PTPN13: variants seen among roughly 807,000 people sequenced by gnomAD.
PTPN13 encodes tyrosine-protein phosphatase non-receptor type 13.
PTPN13 carries 191 observed loss-of-function variants against 284.0 expected under a neutral mutation model. The ratio of observed to expected loss-of-function variants is 0.67; its 90% confidence interval spans 0.60 to 0.76. The LOEUF (loss-of-function observed/expected upper bound fraction) is 0.76. Among genes scored for constraint, PTPN13 ranks in the 30% least tolerant of loss-of-function variants. The probability of loss-of-function intolerance (pLI) is 0.00; values close to 1 mark genes in which losing one functional copy is unlikely to be tolerated. For missense variants in PTPN13, 2,797 were observed against 2,939.9 expected (o/e 0.95, Z 1.12); for synonymous variants, 986 against 1,022.3 (o/e 0.96, Z 0.68).
intron 2 of PTPN13, among the ~76,000 whole-genome samples, chr4:86,660,856 G>A (rs1392023536): frequency 6.6e-6 from 1 of 151,976 alleles, no homozygotes; most frequent in Non-Finnish European, 1.5e-5. Flanking sequence ...GTTCTAAACA[G>A]CCAGTTTTAT....
chr4:86,650,790 ATTTG>A (rs1267800033), intron 2 of PTPN13, among the ~76,000 whole-genome samples: 1 of 152,106 alleles, frequency 6.6e-6, no homozygotes, highest in Admixed American at 6.5e-5. Context: ...ACTTTACTGA[ATTTG>A]TTTATCGGTT....
chr4:86,757,869 T>G (rs1485738105), intron 20 of PTPN13, among the ~76,000 whole-genome samples: 1 of 152,140 alleles, frequency 6.6e-6, no homozygotes, highest in Non-Finnish European at 1.5e-5. Context: ...TAGAAGGAAT[T>G]TTTTAATATA....
intron 2 of PTPN13, among the ~76,000 whole-genome samples, chr4:86,653,653 C>G (rs1291177499): frequency 2.0e-5 from 3 of 152,056 alleles, no homozygotes; most frequent in African/African-American, 7.2e-5. Flanking sequence ...ATAAAATACT[C>G]CAAACATAAA....
At chr4:86,813,919 C>G (rs532405121) in intron 47 of PTPN13, among the ~76,000 whole-genome samples, 15 of 151,902 alleles carry the variant, frequency 9.9e-5, no homozygotes, top group African/African-American at 3.6e-4. Context: ...TCCCGCATCC[C>G]TCAGGCTTTT....
chr4:86,747,382 T>C (rs918753273), intron 17 of PTPN13, among the ~76,000 whole-genome samples: 2 of 152,204 alleles, frequency 1.3e-5, no homozygotes, highest in African/African-American at 4.8e-5. Flanking sequence ...ACGTGTAGAA[T>C]CCTTTAAAAC....
intron 35 of PTPN13, 138 bp downstream of exon 35, chr4:86,775,790 CAG>C: frequency 1.4e-6 from 1 of 720,102 alleles, no homozygotes; most frequent in Non-Finnish European, 2.2e-6. Flanking sequence ...AAATTTAAAA[CAG>C]ACTTCTTGAT....
intron 7 of PTPN13, among the ~76,000 whole-genome samples, chr4:86,713,488 T>A (rs1450947358): frequency 6.6e-6 from 1 of 152,106 alleles, no homozygotes; most frequent in African/African-American, 2.4e-5. Flanking sequence ...TATTTTAAAT[T>A]GTTTATTTTA....
At chr4:86,791,191 G>A (rs570879823) in intron 40 of PTPN13, among the ~76,000 whole-genome samples, 84 of 152,194 alleles carry the variant, frequency 5.5e-4, no homozygotes, top group Non-Finnish European at 9.6e-4. Flanking sequence ...AGGAGATACT[G>A]TCCCATGTCT....
At chr4:86,758,609 C>A in intron 21 of PTPN13, 69 bp from the exon 22 acceptor site, 2 of 1,314,044 alleles carry the variant, frequency 1.5e-6, no homozygotes, top group Non-Finnish European at 2.2e-6. Context: ...TTCTGTGTTT[C>A]AGGCAGGCTA....
intron 1 of PTPN13, among the ~76,000 whole-genome samples, chr4:86,622,262 C>A (rs553434469): frequency 6.6e-6 from 1 of 152,166 alleles, no homozygotes; most frequent in Non-Finnish European, 1.5e-5. Flanking sequence ...ATCAATTTTA[C>A]TTTTTATCAT....
rs557779218 is a variant in PTPN13 at position 86,768,576 on chromosome 4, C to A, written c.4489+600C>A. Among the ~76,000 whole-genome samples, 212 of 152,042 alleles carry A rather than the reference C, an allele frequency of 1.4e-3. 2 individuals carry two copies. Among genetic ancestry groups the A allele is most frequent in the African/African-American group, 4.9e-3 (203 of 41,482 alleles). On this transcript the variant is annotated intron_variant, in intron 28 of 47. Coordinates refer to ENST00000411767, the MANE Select transcript of PTPN13 (RefSeq NM_080683.3). ...CAGTCATTGTTTTATTTTACACAAA[C>A]GTTAGCAACTCTGAATCAGTCCCCA...
At chr4:86,811,577 T>C (rs541275990) in intron 47 of PTPN13, among the ~76,000 whole-genome samples, 3 of 152,298 alleles carry the variant, frequency 2.0e-5, no homozygotes, top group Middle Eastern at 3.4e-3. Flanking sequence ...GGAGTGTGAA[T>C]ACATGGGTCC....
intron 7 of PTPN13, among the ~76,000 whole-genome samples, chr4:86,712,988 AATTT>A (rs939782180): frequency 6.6e-6 from 1 of 152,144 alleles, no homozygotes; most frequent in Non-Finnish European, 1.5e-5. Flanking sequence ...TTCAGATTAA[AATTT>A]ATTTATGATC....
In PTPN13 at chr4:86,693,055, G is replaced by GACT. The variant is rs781024974; in HGVS notation, c.547-531_547-530insCTA. Among the ~76,000 whole-genome samples the GACT allele has an allele frequency of 2.3e-3, 297 of 131,994 alleles. 2 individuals carry two copies. The highest frequency in any genetic ancestry group is 3.8e-3 in the Non-Finnish European group (246 of 63,940). The allele number at this position is 131,994 out of a possible 152,430, so 86.6% of individuals were successfully genotyped here. Reference sequence around the variant, plus strand: ...GGTCCTCCAACCTGGGTGACAGAGTGAGACTCCGTTATATTTAAAAAAAAA... The same window carrying GACT: ...GGTCCTCCAACCTGGGTGACAGAGTGACTAGACTCCGTTATATTTAAAAAAAAA... On this transcript the variant is annotated intron_variant, in intron 5 of 47. Coordinates refer to ENST00000411767, the MANE Select transcript of PTPN13 (RefSeq NM_080683.3).
intron 1 of PTPN13, among the ~76,000 whole-genome samples, chr4:86,600,498 G>A (rs929621114): frequency 1.3e-4 from 18 of 138,596 alleles, no homozygotes; most frequent in Non-Finnish European, 2.6e-4. Flanking sequence ...AGAACACTGG[G>A]AGTTATATTG....
In PTPN13 at chr4:86,804,124, A is replaced by T. The variant is rs942116575; in HGVS notation, c.6654+267A>T. On this transcript the variant is annotated intron_variant, in intron 43 of 47. Transcript: ENST00000411767. ...CTCATAGTTAAGGTAAAAATGTTTAAAAAAAAAAAAAAAGCCAAGTATAAA... is the reference window on the plus strand; with the variant it reads ...CTCATAGTTAAGGTAAAAATGTTTATAAAAAAAAAAAAAGCCAAGTATAAA... 2.1e-4 allele frequency among the ~76,000 whole-genome samples: 31 copies of T among 146,016 alleles called. 1 individual carries two copies. The highest frequency in any genetic ancestry group is 1.7e-3 in the South Asian group (8 of 4,616).
At chr4:86,716,816 G>A (rs1231575563) in intron 8 of PTPN13, among the ~76,000 whole-genome samples, 191 bp downstream of exon 8, 2 of 152,160 alleles carry the variant, frequency 1.3e-5, no homozygotes, top group South Asian at 4.1e-4. Flanking sequence ...AAATAACGAT[G>A]TAGTCCTTTT....
intron 35 of PTPN13, among the ~76,000 whole-genome samples, chr4:86,779,563 G>A (rs1004493388): frequency 2.0e-5 from 3 of 152,120 alleles, no homozygotes; most frequent in African/African-American, 7.2e-5. Context: ...TTTGTTGGGG[G>A]AGAGAAGTTA....
At position 86,725,447 on chromosome 4, in the gene PTPN13, G is replaced by A. The variant is rs542712617; in HGVS notation, c.1608+3013G>A. Among the ~76,000 whole-genome samples the A allele has an allele frequency of 9.4e-5, 14 of 149,532 alleles. 2 individuals are homozygous for A. The highest frequency in any genetic ancestry group is 2.1e-4 in the South Asian group (1 of 4,738). ...ACGCTCCCACCAACAGTGTAAAAGC[G>A]TTCCTATTTCTCCACATCCTCTCCA... On this transcript the variant is annotated intron_variant, in intron 10 of 47. Coordinates refer to ENST00000411767, the MANE Select transcript of PTPN13 (RefSeq NM_080683.3).
Sources: allele counts gnomAD v4.1 joint callset (sites outside exome capture counted in the v4.1 genomes callset), GRCh38; gene constraint gnomAD v4.1.1; transcripts MANE v1.5; gene names NCBI Gene and HGNC (gene_info 2026-07-23, HGNC 2026-07-21).